The following FANCM variants were observed in gnomAD, a reference collection of about 807,000 sequenced individuals.
FANCM encodes Fanconi anemia group M protein.
Under a neutral mutation model 199.5 loss-of-function variants are expected in FANCM, and 140 were observed. The ratio of observed to expected loss-of-function variants is 0.70; its 90% CI spans 0.61 to 0.81. FANCM has a LOEUF of 0.81. FANCM is among the 30% of genes least tolerant of loss of function. FANCM has a pLI of 0.00. For missense variants in FANCM, 2,410 were observed against 2,421.4 expected, an observed-to-expected ratio of 1.00 and a Z score of 0.10; for synonymous variants, 840 against 836.8, an observed-to-expected ratio of 1.00 and a Z score of -0.07.
chr14:45,188,903 T>C lies in FANCM; in HGVS notation c.4881T>C (p.Phe1627=). The C allele has an allele frequency of 6.2e-7, 1 of 1,613,862 alleles. No homozygotes were observed. Among genetic ancestry groups the C allele is most frequent in the Non-Finnish European group, 8.5e-7 (1 of 1,179,830 alleles). The change falls in exon 20 of 23, where the codon TTT becomes TTC. Residue 1627 remains phenylalanine (F), a synonymous_variant. Transcript: ENST00000267430. ...GTGAAGAAGAAGTTTGTGTTGATTT[T>C]AACTTAATAACTGATGATTGCTTTG... ...QSSEEEVCVD[F]NLITDDCFAN...
intron 12 of FANCM, among the ~76,000 whole-genome samples, chr14:45,171,262 G>A (rs1460252431): frequency 6.6e-6 from 1 of 151,504 alleles, no homozygotes; most frequent in Non-Finnish European, 1.5e-5. Context: ...GTACACCACT[G>A]CATCTAGCTT....
At chr14:45,180,050 C>T (rs1484627679) in intron 14 of FANCM, among the ~76,000 whole-genome samples, 3 of 152,328 alleles carry the variant, frequency 2.0e-5, no homozygotes, top group African/African-American at 7.2e-5. Context: ...TCAGCATCCA[C>T]CACTGTCTAG....
At chr14:45,190,316 C>A (rs1889685254) in intron 20 of FANCM, among the ~76,000 whole-genome samples, 1 of 152,046 alleles carries the variant, frequency 6.6e-6, no homozygotes, top group African/African-American at 2.4e-5. Flanking sequence ...AATAGACTTA[C>A]TAAAAAATAC....
At chr14:45,170,169 G>A (rs564085499) in intron 11 of FANCM, among the ~76,000 whole-genome samples, 2 of 152,306 alleles carry the variant, frequency 1.3e-5, no homozygotes, top group East Asian at 1.9e-4. Context: ...CATTACCAAA[G>A]GATAGCTCCT....
intron 6 of FANCM, 68 bp downstream of exon 6, chr14:45,154,120 G>T: frequency 1.7e-6 from 2 of 1,199,962 alleles, no homozygotes; most frequent in East Asian, 2.5e-5. Flanking sequence ...ATATTGAAGG[G>T]CTGGGCACAG....
chr14:45,146,674 A>T (rs1290167294), intron 3 of FANCM, among the ~76,000 whole-genome samples: 3 of 151,692 alleles, frequency 2.0e-5, no homozygotes, highest in Admixed American at 6.6e-5. Flanking sequence ...ACTAAAAAAA[A>T]TACAAAAAAT....
intron 11 of FANCM, among the ~76,000 whole-genome samples, chr14:45,168,664 A>G (rs1353064033): frequency 6.7e-6 from 1 of 149,732 alleles, no homozygotes; most frequent in African/African-American, 2.4e-5. Context: ...ATAATTCTGT[A>G]CTAGTATATA....
chr14:45,155,289 GGA>G (rs1887099163), intron 7 of FANCM, 82 bp from the exon 8 acceptor site: 2 of 641,718 alleles, frequency 3.1e-6, no homozygotes, highest in Admixed American at 2.8e-5. Context: ...CATATGCATT[GGA>G]AAAGATAACT....
intron 13 of FANCM, among the ~76,000 whole-genome samples, 197 bp from the exon 14 acceptor site, chr14:45,174,874 T>A (rs1445843393): frequency 6.6e-6 from 1 of 152,138 alleles, no homozygotes; most frequent in Non-Finnish European, 1.5e-5. Context: ...GTTAACTGAT[T>A]AATGATAACT....
intron 3 of FANCM, among the ~76,000 whole-genome samples, chr14:45,145,310 A>G (rs1566727505): frequency 6.6e-6 from 1 of 151,726 alleles, no homozygotes; most frequent in Admixed American, 6.6e-5. Context: ...GGGTGGTGCA[A>G]TCACTCCTTT....
chr14:45,151,404 A>G lies in FANCM; in HGVS notation c.926A>G (p.Glu309Gly), dbSNP rs143006771. 1 of 1,613,792 alleles carries G rather than the reference A, an allele frequency of 6.2e-7. No individual in the cohort carries two copies. The highest frequency in any genetic ancestry group is 8.5e-7 in the Non-Finnish European group (1 of 1,179,848). ...TTGCTTTTAAATTTGCAGATTTTGGAATCATTTGCTCGTTCTTTGATTCAG... is the reference window on the plus strand; with the variant it reads ...TTGCTTTTAAATTTGCAGATTTTGGGATCATTTGCTCGTTCTTTGATTCAG... ...AIQKTYIQIL[E>G]SFARSLIQRN... Residue 309 changes from glutamate to glycine, a missense_variant, in exon 5 of 23, where the codon GAA becomes GGA. By Grantham distance (98) the Glu-to-Gly change is moderately conservative (BLOSUM62 -2). Coordinates refer to ENST00000267430, the MANE Select transcript of FANCM (RefSeq NM_020937.4).
chr14:45,154,128 C>T (rs1887015104), intron 6 of FANCM, 76 bp downstream of exon 6: 1 of 1,113,408 alleles, frequency 9.0e-7, no homozygotes, highest in Non-Finnish European at 1.3e-6. Flanking sequence ...GGGCTGGGCA[C>T]AGTGGCTCAT....
At position 45,189,501 on chromosome 14, in the gene FANCM, C is replaced by CAAGA. The variant is rs1454497917; in HGVS notation, c.5340+142_5340+145dup. On this transcript the variant is annotated intron_variant, in intron 20 of 22. Coordinates refer to ENST00000267430, the MANE Select transcript of FANCM (RefSeq NM_020937.4). The stretch of plus-strand genomic sequence containing the variant: ...AAATTTTGCAGAAAATGTCTTCAAA[C>CAAGA]AAGAAAACAATACACAAAATTATAT... 19 of 666,772 alleles carry CAAGA rather than the reference C, an allele frequency of 2.8e-5. No homozygotes were observed. In the Admixed American group the frequency reaches 5.3e-4, roughly 19 times the overall value. The allele number at this position is 666,772 out of a possible 1,614,324, so 41.3% of individuals were successfully genotyped here.
intron 20 of FANCM, among the ~76,000 whole-genome samples, chr14:45,191,462 A>G (rs955145692): frequency 2.6e-5 from 4 of 152,172 alleles, no homozygotes; most frequent in Admixed American, 1.3e-4. Flanking sequence ...TCTAATCACC[A>G]TAGTTGCCTA....
intron 13 of FANCM, among the ~76,000 whole-genome samples, chr14:45,174,686 T>C (rs1036510021): frequency 2.0e-5 from 3 of 151,986 alleles, no homozygotes; most frequent in Non-Finnish European, 2.9e-5. Context: ...ATTTAACAAA[T>C]GTATATGGTT....
At chr14:45,156,829 A>G (rs965436691) in intron 8 of FANCM, among the ~76,000 whole-genome samples, 1 of 151,312 alleles carries the variant, frequency 6.6e-6, no homozygotes, top group African/African-American at 2.4e-5. Context: ...GAGGCAGGAG[A>G]ATCTCTTGAA....
chr14:45,137,278 T>C, intron 2 of FANCM, 37 bp downstream of exon 2: 2 of 1,571,798 alleles, frequency 1.3e-6, no homozygotes, highest in South Asian at 1.1e-5. Context: ...GTATTGTAAC[T>C]GTACTGTTAA....
In FANCM at chr14:45,196,364, G is replaced by A. The variant is rs775021812; in HGVS notation, c.5533G>A (p.Val1845Ile). Residue 1845 changes from valine to isoleucine, a missense_variant, in exon 21 of 23, where the codon GTA becomes ATA. Val to Ile is a conservative substitution (Grantham distance 29, BLOSUM62 3). Coordinates refer to ENST00000267430, the MANE Select transcript of FANCM (RefSeq NM_020937.4). Reference sequence around the variant, plus strand: ...CCTAAGAGCAATTCATGGGTTGCAAGTAGAAGTTTGTCCTCTTAATGGCTG... The same window carrying A: ...CCTAAGAGCAATTCATGGGTTGCAAATAGAAGTTTGTCCTCTTAATGGCTG... ...SSLRAIHGLQ[V>I]EVCPLNGCDY... is the part of the protein sequence containing the mutation. 1.7e-5 allele frequency: 27 copies of A among 1,614,026 alleles called. No individual in the cohort carries two copies. Among genetic ancestry groups the A allele is most frequent in the Admixed American group, 3.3e-5 (2 of 60,002 alleles).
At chr14:45,167,837 T>C (rs1888090839) in intron 11 of FANCM, among the ~76,000 whole-genome samples, 1 of 152,168 alleles carries the variant, frequency 6.6e-6, no homozygotes, top group Non-Finnish European at 1.5e-5. Flanking sequence ...TGTGGTCCAA[T>C]TACTTATCAA....
Sources: gnomAD v4.1 joint callset for allele counts (sites outside exome capture counted in the v4.1 genomes callset) on GRCh38, gnomAD v4.1.1 for gene constraint, MANE v1.5 for transcripts, NCBI Gene and HGNC (gene_info 2026-07-23, HGNC 2026-07-21) for gene names.